Variants in CCDC149 observed in about 807,000 individuals in gnomAD.
The protein encoded by CCDC149 is coiled-coil domain containing 149.
A neutral mutation model predicts 59.9 loss-of-function variants in CCDC149; 45 were observed. That is an observed-to-expected ratio of 0.75 (90% CI 0.59 to 0.96). The LOEUF (loss-of-function observed/expected upper bound fraction) is 0.96, where lower values mean the gene tolerates loss of function less well. Among genes scored for constraint, CCDC149 ranks in the 40% least tolerant of loss-of-function variants. CCDC149 has a pLI of 0.00. For missense variants in CCDC149, 584 were observed against 664.7 expected (o/e 0.88, Z 1.33); for synonymous variants, 245 against 260.6 (o/e 0.94, Z 0.58).
At chr4:24,943,157 G>T (rs1297807129) in intron 1 of CCDC149, among the ~76,000 whole-genome samples, 1 of 152,178 alleles carries the variant, frequency 6.6e-6, no homozygotes, top group African/African-American at 2.4e-5. Context: ...ATACTACAAG[G>T]CTACGGTAAC....
chr4:24,964,995 TA>T (rs1216450241), intron 1 of CCDC149, among the ~76,000 whole-genome samples: 3 of 151,096 alleles, frequency 2.0e-5, no homozygotes, highest in Non-Finnish European at 4.4e-5. Flanking sequence ...AAGGAAAAAT[TA>T]AAACATTTTC....
chr4:24,889,914 C>A (rs1330707133), intron 1 of CCDC149, among the ~76,000 whole-genome samples: 2 of 152,198 alleles, frequency 1.3e-5, no homozygotes, highest in Non-Finnish European at 2.9e-5. Context: ...ACTTCTTAGA[C>A]CTGTTCCCGA....
chr4:24,947,938 A>G (rs1723166827), intron 1 of CCDC149, among the ~76,000 whole-genome samples: 1 of 152,216 alleles, frequency 6.6e-6, no homozygotes, highest in East Asian at 1.9e-4. Flanking sequence ...GCTAAAATTC[A>G]ATGAACTGAT....
At chr4:24,811,800 G>A (rs1714624136) in intron 12 of CCDC149, among the ~76,000 whole-genome samples, 1 of 151,954 alleles carries the variant, frequency 6.6e-6, no homozygotes, top group African/African-American at 2.4e-5. Flanking sequence ...TTGAACCCGG[G>A]AGGCAGAGGT....
chr4:24,911,909 C>T (rs1721894799), intron 1 of CCDC149, among the ~76,000 whole-genome samples: 1 of 152,142 alleles, frequency 6.6e-6, no homozygotes, highest in Admixed American at 6.5e-5. Context: ...AAAAGGAAGC[C>T]CCAAGTTGGC....
In CCDC149 at chr4:24,918,857, A is replaced by G. The variant is rs144090636; in HGVS notation, c.-64-23739T>C. ...GTGATCTGATCGCTTTTATTATATC[A>G]GTAGGGCAGAAATTGCCAGCCCTTG... On this transcript the variant is annotated intron_variant, in intron 1 of 12. Transcript: ENST00000389609. Among the ~76,000 whole-genome samples the G allele has an allele frequency of 3.8e-3, 583 of 152,302 alleles. 4 individuals carry two copies. Among genetic ancestry groups the G allele is most frequent in the African/African-American group, 0.014 (565 of 41,562 alleles).
intron 4 of CCDC149, among the ~76,000 whole-genome samples, chr4:24,845,190 G>A (rs1292526291): frequency 6.6e-6 from 1 of 152,132 alleles, no homozygotes; most frequent in Non-Finnish European, 1.5e-5. Context: ...AAGGCAAACG[G>A]CATGCCTTCC....
chr4:24,841,874 T>C (rs1485069930), intron 4 of CCDC149, among the ~76,000 whole-genome samples: 1 of 152,164 alleles, frequency 6.6e-6, no homozygotes, highest in East Asian at 1.9e-4. Context: ...TAGTCATATA[T>C]ATGAGTCTGG....
intron 3 of CCDC149, among the ~76,000 whole-genome samples, chr4:24,865,139 G>C (rs890918810): frequency 6.6e-6 from 1 of 152,136 alleles, no homozygotes; most frequent in Admixed American, 6.6e-5. Flanking sequence ...ACAAGAGAGA[G>C]ACAGACACGC....
chr4:24,849,374 G>A (rs1717512734), intron 4 of CCDC149, among the ~76,000 whole-genome samples: 1 of 152,170 alleles, frequency 6.6e-6, no homozygotes, highest in Non-Finnish European at 1.5e-5. Flanking sequence ...GTATCCAGTA[G>A]GTTTCCCTTT....
At chr4:24,825,153 T>C (rs1019502491) in intron 9 of CCDC149, among the ~76,000 whole-genome samples, 1 of 152,194 alleles carries the variant, frequency 6.6e-6, no homozygotes, top group African/African-American at 2.4e-5. Flanking sequence ...TGTAAAGCAC[T>C]ATGCTACAGG....
chr4:24,804,065 TG>T (rs1294210530), downstream of CCDC149, among the ~76,000 whole-genome samples: 1 of 152,160 alleles, frequency 6.6e-6, no homozygotes, highest in Admixed American at 6.5e-5. Flanking sequence ...AGGAGTGTGT[TG>T]GGGGCAATGC....
Position 24,808,172 on chromosome 4 carries a change from G to C in CCDC149, c.*217C>G, listed in dbSNP as rs1639966540. ...CACAGTAGCACTCTCTGGCAGAAAA[G>C]AGATGACACTGAGAAGCTTGAGGAC... On this transcript the variant is annotated 3_prime_UTR_variant, in exon 13 of 13. Transcript: ENST00000635206. The C allele has an allele frequency of 2.5e-6, 1 of 392,354 alleles. No homozygotes were observed. Among genetic ancestry groups the C allele is most frequent in the East Asian group, 3.8e-5 (1 of 26,204 alleles). 24.3% of individuals were successfully genotyped at this position (392,354 alleles called of 1,614,324 possible).
chr4:24,917,951 A>C (rs1722180846), upstream of CCDC149, among the ~76,000 whole-genome samples: 2 of 151,994 alleles, frequency 1.3e-5, no homozygotes, highest in African/African-American at 4.8e-5. Flanking sequence ...TGCACCCTGG[A>C]CTTGGGGAGC....
At chr4:24,908,529 TACA>T (rs1721673282) in intron 1 of CCDC149, among the ~76,000 whole-genome samples, 1 of 91,196 alleles carries the variant, frequency 1.1e-5, no homozygotes, top group Admixed American at 1.3e-4. Flanking sequence ...ACTCTATCTC[TACA>T]AAAAAAAAAA....
At chr4:24,817,644 C>T (rs73804436) in intron 12 of CCDC149, among the ~76,000 whole-genome samples, 5 of 149,914 alleles carry the variant, frequency 3.3e-5, no homozygotes, top group Non-Finnish European at 7.4e-5. Flanking sequence ...GTCAGATGGG[C>T]GGTTCCGGTT....
chr4:24,879,057 T>C (rs976619537), intron 1 of CCDC149, among the ~76,000 whole-genome samples: 5 of 152,180 alleles, frequency 3.3e-5, no homozygotes, highest in African/African-American at 1.2e-4. Flanking sequence ...TAGGTCCCAA[T>C]AATTTTACGC....
At chr4:24,873,324 G>A (rs1719176703) in intron 3 of CCDC149, among the ~76,000 whole-genome samples, 1 of 151,440 alleles carries the variant, frequency 6.6e-6, no homozygotes, top group African/African-American at 2.4e-5. Context: ...CCACTGAACA[G>A]TATGCACCCA....
chr4:24,943,536 C>G (rs1408475317), intron 1 of CCDC149, among the ~76,000 whole-genome samples: 1 of 152,160 alleles, frequency 6.6e-6, no homozygotes, highest in East Asian at 1.9e-4. Context: ...ACACCAAAAG[C>G]AATGGCAACA....
Sources: allele counts gnomAD v4.1 joint callset (sites outside exome capture counted in the v4.1 genomes callset), GRCh38; gene constraint gnomAD v4.1.1; transcripts MANE v1.5; gene names NCBI Gene and HGNC (gene_info 2026-07-23, HGNC 2026-07-21).